The following ASPH variants were observed in gnomAD, a reference collection of about 807,000 sequenced individuals.
ASPH encodes the protein aspartyl/asparaginyl beta-hydroxylase.
ASPH carries 100 observed loss-of-function variants against 118.4 expected under a neutral mutation model. The ratio of observed to expected loss-of-function variants is 0.84; its 90% CI spans 0.72 to 1.00. The LOEUF (loss-of-function observed/expected upper bound fraction) is 1.00. Among genes scored for constraint, ASPH ranks in the 50% least tolerant of loss-of-function variants. The pLI, the probability that ASPH is intolerant of heterozygous loss-of-function variation, is 0.00. For synonymous variants in ASPH, 315 were observed against 325.6 expected, an observed-to-expected ratio of 0.97 and a Z score of 0.35; for missense variants, 920 against 919.5, an observed-to-expected ratio of 1.00 and a Z score of -0.01.
chr8:61,574,667 G>A (rs1341243303), intron 16 of ASPH, among the ~76,000 whole-genome samples: 4 of 152,098 alleles, frequency 2.6e-5, no homozygotes, highest in Non-Finnish European at 5.9e-5. Context: ...ATGGACACAG[G>A]GAGGGCAACA....
At chr8:61,607,970 G>C (rs143080153) in intron 14 of ASPH, among the ~76,000 whole-genome samples, 1 of 152,276 alleles carries the variant, frequency 6.6e-6, no homozygotes, top group East Asian at 1.9e-4. Flanking sequence ...AGCAGGAGCA[G>C]GAAGGAGGAT....
chr8:61,616,071 A>G (rs2134099480), intron 14 of ASPH, among the ~76,000 whole-genome samples: 1 of 152,328 alleles, frequency 6.6e-6, no homozygotes, highest in Non-Finnish European at 1.5e-5. Flanking sequence ...CCCCCTTAAT[A>G]AAATACTTTA....
chr8:61,642,863 A>AG, intron 10 of ASPH, 25 bp downstream of exon 10: 1 of 1,528,652 alleles, frequency 6.5e-7, no homozygotes, highest in Admixed American at 2.4e-5. Context: ...AAAAGAAAAA[A>AG]AAAAAAAAGA....
intron 14 of ASPH, among the ~76,000 whole-genome samples, chr8:61,584,324 G>C (rs560553101): frequency 1.3e-5 from 2 of 152,300 alleles, no homozygotes; most frequent in South Asian, 4.1e-4. Flanking sequence ...GATGTAAATG[G>C]TGGGTATGAC....
intron 20 of ASPH, among the ~76,000 whole-genome samples, chr8:61,552,241 G>C (rs1227971260): frequency 6.6e-6 from 1 of 152,232 alleles, no homozygotes; most frequent in South Asian, 2.1e-4. Flanking sequence ...GGACAGGAAA[G>C]GAGGGCTTTG....
chr8:61,584,998 ATC>A (rs1286441226), intron 14 of ASPH, among the ~76,000 whole-genome samples: 2 of 152,196 alleles, frequency 1.3e-5, no homozygotes, highest in Non-Finnish European at 2.9e-5. Flanking sequence ...CACCCTGCGT[ATC>A]TCTGTTTTGT....
At chr8:61,638,261 T>C (rs1295880854) in intron 11 of ASPH, 61 bp downstream of exon 11, 1 of 1,562,640 alleles carries the variant, frequency 6.4e-7, no homozygotes, top group Non-Finnish European at 8.7e-7. Flanking sequence ...CAGGTAGGAG[T>C]TTTAACAAAA....
intron 1 of ASPH, chr8:61,684,653 G>C (rs924901665): frequency 6.5e-6 from 1 of 153,244 alleles, no homozygotes; most frequent in African/African-American, 2.4e-5. Flanking sequence ...AGAGAGAAAA[G>C]GACAGAAAAG....
At chr8:61,561,098 GAGAGGGAGGGAGGGAGGGA>G (rs1829738230) in intron 18 of ASPH, among the ~76,000 whole-genome samples, 1 of 11,218 alleles carries the variant, frequency 8.9e-5, no homozygotes, top group Non-Finnish European at 3.3e-4. Context: ...GAGGGAGGGA[GAGAGGGAGGGAGGGAGGGA>G]GGGAGGGAGG....
chr8:61,520,292 G>A (rs1284108640), intron 22 of ASPH, among the ~76,000 whole-genome samples: 1 of 152,064 alleles, frequency 6.6e-6, no homozygotes, highest in Non-Finnish European at 1.5e-5. Flanking sequence ...CTCTAACGGG[G>A]GAGTAAAACA....
At position 61,500,880 on chromosome 8, in the gene ASPH, A is replaced by AGAT. The variant is rs1275186468; in HGVS notation, c.*2476_*2478dup. The AGAT allele has an allele frequency of 3.3e-5, 5 of 152,334 alleles. No homozygotes were observed. Among genetic ancestry groups the AGAT allele is most frequent in the African/African-American group, 9.6e-5 (4 of 41,594 alleles). 9.4% of individuals were successfully genotyped at this position (152,334 alleles called of 1,614,324 possible). ...GTTAGCTAAATAATTCAAGGGAAAG[A>AGAT]GATTATTCAACTGGTCATAATCACC... On this transcript the variant is annotated 3_prime_UTR_variant, in exon 25 of 25. Coordinates refer to ENST00000379454, the MANE Select transcript of ASPH (RefSeq NM_004318.4).
Position 61,580,350 on chromosome 8 carries a change from G to A in ASPH, c.1063-3492C>T, listed in dbSNP as rs190977240. Among the ~76,000 whole-genome samples, 297 of 152,280 alleles carry A rather than the reference G, an allele frequency of 2.0e-3. 1 individual carries two copies. The highest frequency in any genetic ancestry group is 3.1e-3 in the Non-Finnish European group (212 of 68,020). ...GAGGTTCTCCATGAGGGCTCCACCC[G>A]TACAGCAAACTTTTGCTTGGACATC... On this transcript the variant is annotated intron_variant, in intron 15 of 24. Coordinates refer to ENST00000379454, the MANE Select transcript of ASPH (RefSeq NM_004318.4).
chr8:61,665,318 T>C, intron 3 of ASPH: 2 of 1,613,670 alleles, frequency 1.2e-6, no homozygotes, highest in Non-Finnish European at 1.7e-6. Flanking sequence ...TCTACTTTCC[T>C]TTCTGTCATC....
intron 19 of ASPH, among the ~76,000 whole-genome samples, chr8:61,555,278 A>G (rs1204912061): frequency 2.6e-5 from 4 of 151,740 alleles, no homozygotes; most frequent in Non-Finnish European, 5.9e-5. Flanking sequence ...TATATATTTT[A>G]TTTATTTATT....
At chr8:61,666,826 G>A (rs1218791885) in intron 3 of ASPH, among the ~76,000 whole-genome samples, 1 of 152,060 alleles carries the variant, frequency 6.6e-6, no homozygotes, top group Non-Finnish European at 1.5e-5. Flanking sequence ...AATGCGTTTG[G>A]ACAGTAACAT....
intron 19 of ASPH, among the ~76,000 whole-genome samples, chr8:61,553,458 C>T (rs1360024031): frequency 6.6e-6 from 1 of 152,186 alleles, no homozygotes; most frequent in Non-Finnish European, 1.5e-5. Context: ...ATTTATTTTG[C>T]TCTCCAAATC....
At chr8:61,539,699 G>GGGGGGTGTGTGTGTGTGTGTGTGTGTGT in intron 21 of ASPH, among the ~76,000 whole-genome samples, 1 of 124,306 alleles carries the variant, frequency 8.0e-6, no homozygotes, top group African/African-American at 2.8e-5. Context: ...ACACTTCTGG[G>GGGGGGTGTGTGTGTGTGTGTGTGTGTGT]GTGTGTGTGT....
In ASPH at chr8:61,685,948, T is replaced by C. The variant is rs557104093; in HGVS notation, c.104-1760A>G. ...CACGCCTGGCTAATTTTTGTATTTT[T>C]AGTAGAGACAGGGTTTCACCATATT... is the stretch of plus-strand genomic sequence containing the variant. On this transcript the variant is annotated intron_variant, in intron 1 of 24. Transcript: ENST00000379454. Among the ~76,000 whole-genome samples, 144 of 152,246 alleles carry C rather than the reference T, an allele frequency of 9.5e-4. 2 individuals are homozygous for C. The highest frequency in any genetic ancestry group is 3.2e-3 in the African/African-American group (133 of 41,552).
At chr8:61,599,852 T>A (rs1253920275) in intron 14 of ASPH, among the ~76,000 whole-genome samples, 1 of 152,154 alleles carries the variant, frequency 6.6e-6, no homozygotes, top group East Asian at 1.9e-4. Context: ...CTAACACCAA[T>A]TCTCAAACTA....
Sources: gnomAD v4.1 joint callset for allele counts (sites outside exome capture counted in the v4.1 genomes callset) on GRCh38, gnomAD v4.1.1 for gene constraint, MANE v1.5 for transcripts, NCBI Gene and HGNC (gene_info 2026-07-23, HGNC 2026-07-21) for gene names.